Variants in DAPP1 observed in about 807,000 individuals in gnomAD.
DAPP1 encodes the protein dual adaptor of phosphotyrosine and 3-phosphoinositides 1.
In DAPP1, 20 loss-of-function variants were observed where a neutral mutation model predicts 41.5. The observed-to-expected ratio is 0.48, with a 90% confidence interval of 0.34 to 0.70. The LOEUF is 0.70. Ranked by LOEUF, DAPP1 falls within the 30% of genes least tolerant of loss-of-function variation. The pLI, the probability that DAPP1 is intolerant of heterozygous loss-of-function variation, is 0.01. For synonymous variants in DAPP1, 113 were observed against 116.2 expected, an observed-to-expected ratio of 0.97 and a Z score of 0.18; for missense variants, 233 against 333.4, an observed-to-expected ratio of 0.70 and a Z score of 2.35.
intron 4 of DAPP1, among the ~76,000 whole-genome samples, chr4:99,860,539 T>G (rs1724202291): frequency 6.6e-6 from 1 of 152,206 alleles, no homozygotes; most frequent in East Asian, 1.9e-4. Flanking sequence ...GAACATTTGG[T>G]TAGTTTATCC....
chr4:99,858,376 T>A (rs886781110), intron 4 of DAPP1, among the ~76,000 whole-genome samples: 1 of 152,230 alleles, frequency 6.6e-6, no homozygotes, highest in Admixed American at 6.5e-5. Context: ...GATACAGGTT[T>A]TTTCATGTTG....
At chr4:99,863,114 C>T (rs542305166) in intron 6 of DAPP1, 42 bp downstream of exon 6, 4 of 1,331,420 alleles carry the variant, frequency 3.0e-6, no homozygotes, top group East Asian at 5.3e-5. Context: ...AAAATCAATT[C>T]TCTAGATGAA....
At chr4:99,817,064 C>T (rs998342555) in intron 1 of DAPP1, 50 bp downstream of exon 1, 4 of 1,364,032 alleles carry the variant, frequency 2.9e-6, no homozygotes, top group African/African-American at 2.9e-5. Flanking sequence ...GACATTGACT[C>T]CGCACTCCCA....
At chr4:99,819,060 A>T (rs1722683493) in intron 1 of DAPP1, among the ~76,000 whole-genome samples, 1 of 152,110 alleles carries the variant, frequency 6.6e-6, no homozygotes, top group South Asian at 2.1e-4. Context: ...ATTACTAATA[A>T]ATGTTGATAT....
chr4:99,816,877 A>G lies in DAPP1; in HGVS notation c.-37A>G, dbSNP rs768387978. ...AGCGAGAAGGTGTCAGGAGCAGCCCAGTTGTGTCTCTCTCTCTACCTCTGT... is the reference window on the plus strand; with the variant it reads ...AGCGAGAAGGTGTCAGGAGCAGCCCGGTTGTGTCTCTCTCTCTACCTCTGT... On this transcript the variant is annotated 5_prime_UTR_variant, in exon 1 of 9. Transcript: ENST00000512369. 1 of 1,559,490 alleles carries G rather than the reference A, an allele frequency of 6.4e-7. No individual in the cohort carries two copies. Among genetic ancestry groups the G allele is most frequent in the South Asian group, 1.2e-5 (1 of 85,232 alleles).
At chr4:99,850,729 A>C (rs974722611) in intron 3 of DAPP1, among the ~76,000 whole-genome samples, 1 of 152,216 alleles carries the variant, frequency 6.6e-6, no homozygotes. Context: ...TATTCCTAGC[A>C]GAATGTTGCG....
chr4:99,828,089 A>C (rs1027407268), intron 1 of DAPP1, among the ~76,000 whole-genome samples: 3 of 152,226 alleles, frequency 2.0e-5, no homozygotes. Flanking sequence ...CATCATTAGC[A>C]ATATGTAGGC....
At chr4:99,843,784 A>C (rs1723574734) in intron 3 of DAPP1, among the ~76,000 whole-genome samples, 1 of 152,158 alleles carries the variant, frequency 6.6e-6, no homozygotes, top group African/African-American at 2.4e-5. Context: ...TGTGAACTCC[A>C]TGAAGAAAGG....
chr4:99,828,391 A>G (rs1381518804), intron 1 of DAPP1, among the ~76,000 whole-genome samples: 1 of 152,224 alleles, frequency 6.6e-6, no homozygotes, highest in Non-Finnish European at 1.5e-5. Flanking sequence ...TCTTTGTGAC[A>G]TATGTATGTT....
chr4:99,846,184 A>G (rs747723708), intron 3 of DAPP1, among the ~76,000 whole-genome samples: 53 of 152,188 alleles, frequency 3.5e-4, no homozygotes, highest in Admixed American at 7.9e-4. Context: ...TAAAGAATCA[A>G]TTTCTTCAAA....
chr4:99,856,711 A>G (rs1449822240), intron 4 of DAPP1, among the ~76,000 whole-genome samples: 5 of 152,196 alleles, frequency 3.3e-5, no homozygotes, highest in Non-Finnish European at 5.9e-5. Flanking sequence ...AGTTTCATGT[A>G]TGCTGATGGA....
At chr4:99,852,281 A>G (rs749787301) in intron 3 of DAPP1, among the ~76,000 whole-genome samples, 4 of 152,226 alleles carry the variant, frequency 2.6e-5, no homozygotes, top group Admixed American at 1.3e-4. Flanking sequence ...TGTCTGGTAC[A>G]ATCTTAGGCT....
intron 4 of DAPP1, among the ~76,000 whole-genome samples, chr4:99,861,245 G>C (rs1032286283): frequency 6.6e-6 from 1 of 152,134 alleles, no homozygotes; most frequent in African/African-American, 2.4e-5. Flanking sequence ...AGATGTGTGC[G>C]TGTTTATGTG....
At chr4:99,857,140 A>C (rs1230568235) in intron 4 of DAPP1, among the ~76,000 whole-genome samples, 1 of 152,216 alleles carries the variant, frequency 6.6e-6, no homozygotes, top group Non-Finnish European at 1.5e-5. Flanking sequence ...TATCTTGCCC[A>C]AAATCTCAGT....
chr4:99,837,407 G>A (rs1332102828), intron 2 of DAPP1, among the ~76,000 whole-genome samples: 1 of 152,194 alleles, frequency 6.6e-6, no homozygotes, highest in Non-Finnish European at 1.5e-5. Flanking sequence ...TGCGAAACAG[G>A]TAGAGGGTGA....
intron 4 of DAPP1, among the ~76,000 whole-genome samples, chr4:99,857,803 T>C (rs1724100501): frequency 6.6e-6 from 1 of 152,128 alleles, no homozygotes; most frequent in Non-Finnish European, 1.5e-5. Context: ...ATTTAAAATT[T>C]TTTTCATGTA....
chr4:99,827,550 A>G (rs1459603754), intron 1 of DAPP1, among the ~76,000 whole-genome samples: 1 of 123,606 alleles, frequency 8.1e-6, no homozygotes, highest in Non-Finnish European at 1.6e-5. Context: ...AAACAACAAA[A>G]AAACAAAACA....
intron 1 of DAPP1, among the ~76,000 whole-genome samples, chr4:99,831,847 G>C (rs892159374): frequency 6.6e-6 from 1 of 151,992 alleles, no homozygotes; most frequent in East Asian, 1.9e-4. Context: ...CTGATTAATA[G>C]TGAGATTATT....
At chr4:99,827,281 T>C (rs1722965293) in intron 1 of DAPP1, among the ~76,000 whole-genome samples, 2 of 152,070 alleles carry the variant, frequency 1.3e-5, no homozygotes, top group Admixed American at 6.6e-5. Flanking sequence ...CGGTCTGTAA[T>C]CTCAGCACTT....
Sources: gnomAD v4.1 joint callset for allele counts (sites outside exome capture counted in the v4.1 genomes callset) on GRCh38, gnomAD v4.1.1 for gene constraint, MANE v1.5 for transcripts, NCBI Gene and HGNC (gene_info 2026-07-23, HGNC 2026-07-21) for gene names.